Variants in AGBL1 observed in about 807,000 individuals in gnomAD.
The protein encoded by AGBL1 is cytosolic carboxypeptidase 4.
Under a neutral mutation model 118.9 loss-of-function variants are expected in AGBL1, and 130 were observed. That is an observed-to-expected ratio of 1.09 (90% CI 0.95 to 1.26). The LOEUF (loss-of-function observed/expected upper bound fraction) is 1.26, where lower values mean the gene tolerates loss of function less well. Ranked by LOEUF, AGBL1 falls within the 50% of genes most tolerant of loss-of-function variation. The probability of loss-of-function intolerance (pLI) is 0.00; values close to 1 mark genes in which losing one functional copy is unlikely to be tolerated. For synonymous variants in AGBL1, 555 were observed against 478.9 expected (o/e 1.16, Z -2.08); for missense variants, 1,584 against 1,298.1 (o/e 1.22, Z -3.38).
At chr15:86,964,253 A>C (rs2081026556) in intron 23 of AGBL1, among the ~76,000 whole-genome samples, 1 of 151,944 alleles carries the variant, frequency 6.6e-6, no homozygotes, top group Non-Finnish European at 1.5e-5. Flanking sequence ...TACTATTGGC[A>C]ATTAGTGCAG....
At chr15:86,751,881 A>G (rs1401123320) in intron 22 of AGBL1, among the ~76,000 whole-genome samples, 2 of 152,034 alleles carry the variant, frequency 1.3e-5, no homozygotes, top group East Asian at 1.9e-4. Context: ...CCTTTTAGGG[A>G]AAAAAACATG....
At chr15:86,601,780 A>G (rs4606687) in intron 21 of AGBL1, among the ~76,000 whole-genome samples, 6,580 of 152,202 alleles carry the variant, frequency 0.043, 189 homozygotes, top group East Asian at 0.14. Flanking sequence ...TATATTCACC[A>G]TGTTATTTTA....
At chr15:86,670,634 CTGTGTGTG>C (rs575413341) in intron 21 of AGBL1, among the ~76,000 whole-genome samples, 1 of 34,654 alleles carries the variant, frequency 2.9e-5, no homozygotes, top group Non-Finnish European at 7.4e-5. Flanking sequence ...CACAAACACG[CTGTGTGTG>C]TGTGTGTGTA....
chr15:86,811,071 T>C (rs559588491), intron 22 of AGBL1, among the ~76,000 whole-genome samples: 1 of 152,336 alleles, frequency 6.6e-6, no homozygotes, highest in Admixed American at 6.5e-5. Flanking sequence ...GATGTACAAA[T>C]ATGTGGATCA....
intron 18 of AGBL1, among the ~76,000 whole-genome samples, chr15:86,466,493 G>A (rs1200937736): frequency 6.6e-6 from 1 of 152,134 alleles, no homozygotes; most frequent in African/African-American, 2.4e-5. Context: ...GCCTACTTCT[G>A]TCAATTGTCA....
intron 22 of AGBL1, among the ~76,000 whole-genome samples, chr15:86,680,565 C>CTTTTTTTTTTTTTTTTTTTT (rs34873609): frequency 9.5e-5 from 9 of 94,682 alleles, no homozygotes; most frequent in Non-Finnish European, 1.6e-4. Flanking sequence ...TCTTTCTTTT[C>CTTTTTTTTTTTTTTTTTTTT]TTTTTTTTTT....
intron 5 of AGBL1, among the ~76,000 whole-genome samples, chr15:86,183,223 T>A (rs1300048289): frequency 6.6e-6 from 1 of 152,222 alleles, no homozygotes; most frequent in Non-Finnish European, 1.5e-5. Context: ...TCAGAACTGC[T>A]AAAATTTTTG....
intron 21 of AGBL1, among the ~76,000 whole-genome samples, chr15:86,628,073 T>C (rs988214468): frequency 1.1e-4 from 17 of 152,170 alleles, no homozygotes. Flanking sequence ...TCTTTCCAAA[T>C]AGTTCTGGGG....
At chr15:86,769,666 C>G (rs774774797) in intron 22 of AGBL1, among the ~76,000 whole-genome samples, 1 of 152,004 alleles carries the variant, frequency 6.6e-6, no homozygotes, top group Admixed American at 6.6e-5. Context: ...TCCCCATCGA[C>G]ATTGGTAGCA....
chr15:86,189,501 T>G (rs2077683410), intron 5 of AGBL1, among the ~76,000 whole-genome samples: 1 of 152,188 alleles, frequency 6.6e-6, no homozygotes, highest in Admixed American at 6.5e-5. Flanking sequence ...ATTTAGATTA[T>G]GGGGGTGGAT....
intron 18 of AGBL1, among the ~76,000 whole-genome samples, chr15:86,451,084 A>G (rs1195139754): frequency 6.6e-6 from 1 of 152,192 alleles, no homozygotes; most frequent in South Asian, 2.1e-4. Flanking sequence ...AGAATTAGTT[A>G]TTGACTTTCT....
At chr15:86,210,031 A>G (rs2078064732) in intron 5 of AGBL1, among the ~76,000 whole-genome samples, 1 of 152,238 alleles carries the variant, frequency 6.6e-6, no homozygotes, top group Admixed American at 6.5e-5. Context: ...ATCTCTCAGC[A>G]TTTACTTGTC....
intron 9 of AGBL1, among the ~76,000 whole-genome samples, chr15:86,260,848 C>A (rs898270843): frequency 2.6e-5 from 4 of 152,138 alleles, no homozygotes; most frequent in Non-Finnish European, 5.9e-5. Context: ...AAAGGACTGC[C>A]TGGGCTGCTG....
intron 18 of AGBL1, among the ~76,000 whole-genome samples, chr15:86,468,679 GTGT>G (rs1274025634): frequency 6.6e-6 from 1 of 152,142 alleles, no homozygotes; most frequent in Non-Finnish European, 1.5e-5. Flanking sequence ...TATTAAAATT[GTGT>G]TGTTCATGTT....
At chr15:86,500,699 T>A (rs2082908110) in intron 18 of AGBL1, among the ~76,000 whole-genome samples, 1 of 151,774 alleles carries the variant, frequency 6.6e-6, no homozygotes, top group Admixed American at 6.6e-5. Context: ...GTGCTTCCCA[T>A]GTCTACGGAT....
rs1045160205 is a variant in AGBL1 at position 86,216,171 on chromosome 15, A to G, written c.489-8743A>G. Among the ~76,000 whole-genome samples the G allele has an allele frequency of 2.6e-5, 4 of 152,188 alleles. No individual in the cohort carries two copies. The East Asian group carries it at 5.8e-4, about 22-fold the overall frequency. On this transcript the variant is annotated intron_variant, in intron 5 of 22. Transcript: ENST00000614907. ...TAGTGACTAAGATTTTTCTGTACCCAAGATCACGCCATCTGCAAATAGACA... is the reference window on the plus strand; with the variant it reads ...TAGTGACTAAGATTTTTCTGTACCCGAGATCACGCCATCTGCAAATAGACA...
intron 5 of AGBL1, among the ~76,000 whole-genome samples, chr15:86,168,266 A>G (rs2077369253): frequency 6.6e-6 from 1 of 152,158 alleles, no homozygotes; most frequent in African/African-American, 2.4e-5. Flanking sequence ...TCTGCTCAGG[A>G]ATTAGCAAGG....
At chr15:86,732,261 G>C (rs2077536103) in intron 22 of AGBL1, among the ~76,000 whole-genome samples, 1 of 152,276 alleles carries the variant, frequency 6.6e-6, no homozygotes, top group Admixed American at 6.5e-5. Context: ...TAGTGCATGT[G>C]TATGCATGTA....
intron 21 of AGBL1, among the ~76,000 whole-genome samples, chr15:86,658,905 G>A (rs754419117): frequency 1.3e-5 from 2 of 152,184 alleles, no homozygotes; most frequent in Admixed American, 6.5e-5. Context: ...GAGGAAAGCT[G>A]TTTGGGATGC....
Sources: allele counts gnomAD v4.1 joint callset (sites outside exome capture counted in the v4.1 genomes callset), GRCh38; gene constraint gnomAD v4.1.1; transcripts MANE v1.5; gene names NCBI Gene and HGNC (gene_info 2026-07-23, HGNC 2026-07-21).